MFSD6: variants seen among roughly 807,000 people sequenced by gnomAD.
The protein encoded by MFSD6 is major facilitator superfamily domain-containing protein 6.
In MFSD6, 26 loss-of-function variants were observed where a neutral mutation model predicts 56.3. That is an observed-to-expected ratio of 0.46 (90% CI 0.34 to 0.64). MFSD6 has a LOEUF of 0.64. Ranked by LOEUF, MFSD6 falls within the 30% of genes least tolerant of loss-of-function variation. The pLI, the probability that MFSD6 is intolerant of heterozygous loss-of-function variation, is 0.01. For synonymous variants in MFSD6, 331 were observed against 366.9 expected (o/e 0.90, Z 1.12); for missense variants, 750 against 986.2 (o/e 0.76, Z 3.21).
At chr2:190,420,674 A>G (rs1205724707) in intron 2 of MFSD6, among the ~76,000 whole-genome samples, 1 of 152,160 alleles carries the variant, frequency 6.6e-6, no homozygotes, top group Admixed American at 6.5e-5. Flanking sequence ...GATGCCCTAC[A>G]TTGGGATATA....
chr2:190,496,532 C>A lies in MFSD6; in HGVS notation c.1892-907C>A, dbSNP rs778578352. Among the ~76,000 whole-genome samples the A allele has an allele frequency of 6.6e-6, 1 of 152,128 alleles. No homozygotes were observed. The highest frequency in any genetic ancestry group is 1.5e-5 in the Non-Finnish European group (1 of 68,012). ...TATATGAAAAAGATACTTGTACATGCATGTTTATAGCATCACAATTGCAAA... is the reference window on the plus strand; with the variant it reads ...TATATGAAAAAGATACTTGTACATGAATGTTTATAGCATCACAATTGCAAA... On this transcript the variant is annotated intron_variant, in intron 6 of 7. Transcript: ENST00000392328. The surrounding 1 kb of genome is among the most constrained non-coding windows in gnomAD (Gnocchi z 4.7).
chr2:190,442,106 A>G (rs1003397621), intron 3 of MFSD6, among the ~76,000 whole-genome samples: 5 of 152,236 alleles, frequency 3.3e-5, no homozygotes, highest in Non-Finnish European at 7.3e-5. Context: ...TCCTTAAGGG[A>G]GGATTAATTC....
At chr2:190,484,530 C>T (rs1198148109) in intron 4 of MFSD6, among the ~76,000 whole-genome samples, 1 of 152,022 alleles carries the variant, frequency 6.6e-6, no homozygotes, top group African/African-American at 2.4e-5. Flanking sequence ...TGGGAAATGG[C>T]GGAGGGTTTT....
At chr2:190,441,243 C>G (rs1278568597) in intron 3 of MFSD6, among the ~76,000 whole-genome samples, 1 of 152,056 alleles carries the variant, frequency 6.6e-6, no homozygotes, top group South Asian at 2.1e-4. Context: ...AGGGTCTGTT[C>G]TCGTGTCTTC....
rs1014739913 is a variant in MFSD6 at position 190,434,835 on chromosome 2, A to G, written c.-53-1142A>G. On this transcript the variant is annotated intron_variant, in intron 2 of 7. Coordinates refer to ENST00000392328, the MANE Select transcript of MFSD6 (RefSeq NM_017694.4). This position sits in a 1 kb window ranked among gnomAD's most constrained non-coding sequence, Gnocchi z 4.3. The stretch of plus-strand genomic sequence containing the variant: ...GGGTTCCCCAACCCCTGGACCATGG[A>G]CCGCTACCACTCTGTGGCCTGTTAG... 2.6e-5 allele frequency among the ~76,000 whole-genome samples: 4 copies of G among 152,128 alleles called. No homozygotes were observed. The highest frequency in any genetic ancestry group is 9.7e-5 in the African/African-American group (4 of 41,422).
chr2:190,435,508 T>C (rs1185423427), intron 2 of MFSD6, among the ~76,000 whole-genome samples: 1 of 152,252 alleles, frequency 6.6e-6, no homozygotes, highest in Non-Finnish European at 1.5e-5. Context: ...CTCATTACAT[T>C]TGTGGTTGTG....
At position 190,488,524 on chromosome 2, in the gene MFSD6, G is replaced by A; in HGVS notation, c.1631-133G>A. The A allele has an allele frequency of 1.2e-6, 1 of 842,744 alleles. No homozygotes were observed. The highest frequency in any genetic ancestry group is 1.7e-6 in the Non-Finnish European group (1 of 587,580). The allele number at this position is 842,744 out of a possible 1,614,324, so 52.2% of individuals were successfully genotyped here. On this transcript the variant is annotated intron_variant, in intron 4 of 7. Coordinates refer to ENST00000392328, the MANE Select transcript of MFSD6 (RefSeq NM_017694.4). The surrounding 1 kb of genome is among the most constrained non-coding windows in gnomAD (Gnocchi z 6.4). ...ACCGTACATTTAAAAATGTGAAAATGGTAAATTTTTAATGTATGTTTTCCC... is the reference window on the plus strand; with the variant it reads ...ACCGTACATTTAAAAATGTGAAAATAGTAAATTTTTAATGTATGTTTTCCC...
At position 190,471,566 on chromosome 2, in the gene MFSD6, C is replaced by A. The variant is rs1458413211; in HGVS notation, c.1630+1711C>A. Among the ~76,000 whole-genome samples, 1 of 152,204 alleles carries A rather than the reference C, an allele frequency of 6.6e-6. No homozygotes were observed. Among genetic ancestry groups the A allele is most frequent in the African/African-American group, 2.4e-5 (1 of 41,462 alleles). On this transcript the variant is annotated intron_variant, in intron 4 of 7. Transcript: ENST00000392328. The surrounding 1 kb of genome is among the most constrained non-coding windows in gnomAD (Gnocchi z 4.7). ...GGAGGGGCACCCGCCATTGCTGAGGCTTGAGTAGGTAAACAAAGCAGCGGC... is the reference window on the plus strand; with the variant it reads ...GGAGGGGCACCCGCCATTGCTGAGGATTGAGTAGGTAAACAAAGCAGCGGC...
chr2:190,455,934 C>CTTTTTTTTTTTTTTTTTTTTTT (rs34054506), intron 3 of MFSD6, among the ~76,000 whole-genome samples: 1 of 65,370 alleles, frequency 1.5e-5, no homozygotes, highest in Non-Finnish European at 2.5e-5. Flanking sequence ...ATTTACTCTG[C>CTTTTTTTTTTTTTTTTTTTTTT]TTTTTTTTTT....
chr2:190,422,484 G>A (rs1286308298), intron 2 of MFSD6, among the ~76,000 whole-genome samples: 1 of 152,180 alleles, frequency 6.6e-6, no homozygotes, highest in Non-Finnish European at 1.5e-5. Context: ...GTGAGAAATT[G>A]CATGTGTAAA....
chr2:190,436,583 T>C lies in MFSD6; in HGVS notation c.554T>C (p.Phe185Ser). ...ACTATCCTGCCAACAAATTCTTCCT[T>C]TACCTCTTTCCTCACCATATCACCA... ...QLTILPTNSS[F>S]TSFLTISPKM... is the part of the protein sequence containing the mutation. The change falls in exon 3 of 8, where the codon TTT (phenylalanine) becomes TCT (serine). Residue 185 changes from phenylalanine to serine, a missense_variant. Physicochemically the swap from Phe to Ser is radical, Grantham distance 155. This residue lies in a region of MFSD6 where 376 missense variants were observed against 437.9 expected (regional missense o/e 0.86). Transcript: ENST00000392328. The surrounding 1 kb of genome is among the most constrained non-coding windows in gnomAD (Gnocchi z 5.3). 1 of 1,614,198 alleles carries C rather than the reference T, an allele frequency of 6.2e-7. No individual in the cohort carries two copies. Among genetic ancestry groups the C allele is most frequent in the South Asian group, 1.1e-5 (1 of 91,078 alleles).
At position 190,494,900 on chromosome 2, in the gene MFSD6, A is replaced by G. The variant is rs977421393; in HGVS notation, c.1892-2539A>G. ...AAACCCACAGCCAACATAATACTGA[A>G]CAGGGAGAAGTTGGAAGCATTCCCT... On this transcript the variant is annotated intron_variant, in intron 6 of 7. Transcript: ENST00000392328. This position sits in a 1 kb window ranked among gnomAD's most constrained non-coding sequence, Gnocchi z 5.7. Among the ~76,000 whole-genome samples, 2 of 152,196 alleles carry G rather than the reference A, an allele frequency of 1.3e-5. No individual in the cohort carries two copies. The highest frequency in any genetic ancestry group is 2.9e-5 in the Non-Finnish European group (2 of 68,020).
chr2:190,449,291 T>C (rs1047274966), intron 3 of MFSD6, among the ~76,000 whole-genome samples: 1 of 152,090 alleles, frequency 6.6e-6, no homozygotes, highest in African/African-American at 2.4e-5. Flanking sequence ...CTGGTCAACA[T>C]GGTGAAACCC....
intron 3 of MFSD6, among the ~76,000 whole-genome samples, chr2:190,460,404 C>T (rs752927012): frequency 1.2e-4 from 18 of 152,182 alleles, no homozygotes; most frequent in Non-Finnish European, 1.9e-4. Flanking sequence ...CATACATACA[C>T]TCGCGTATGC....
Position 190,418,364 on chromosome 2 carries a change from G to A in MFSD6, c.-54+2951G>A, listed in dbSNP as rs186960695. Among the ~76,000 whole-genome samples, 1 of 152,330 alleles carries A rather than the reference G, an allele frequency of 6.6e-6. No individual in the cohort carries two copies. Among genetic ancestry groups the A allele is most frequent in the East Asian group, 1.9e-4 (1 of 5,194 alleles). Reference sequence around the variant, plus strand: ...TAATCCACTGATTCCCTGTTGAAGTGCAAATATGTTGTCAAGATGGGGCAA... The same window carrying A: ...TAATCCACTGATTCCCTGTTGAAGTACAAATATGTTGTCAAGATGGGGCAA... On this transcript the variant is annotated intron_variant, in intron 2 of 7. Coordinates refer to ENST00000392328, the MANE Select transcript of MFSD6 (RefSeq NM_017694.4). The surrounding 1 kb of genome is among the most constrained non-coding windows in gnomAD (Gnocchi z 4.1).
rs969362421 is a variant in MFSD6 at position 190,434,496 on chromosome 2, C to T, written c.-53-1481C>T. Among the ~76,000 whole-genome samples the T allele has an allele frequency of 5.3e-5, 8 of 151,992 alleles. 1 individual carries two copies. The South Asian group carries it at 6.2e-4, about 12-fold the overall frequency. On this transcript the variant is annotated intron_variant, in intron 2 of 7. Transcript: ENST00000392328. This position sits in a 1 kb window ranked among gnomAD's most constrained non-coding sequence, Gnocchi z 4.3. ...CTGTTGCCAGGCTGGAGTGCAGTGGCGCAATCTCAGCTCACTGCAACCTCC... is the reference window on the plus strand; with the variant it reads ...CTGTTGCCAGGCTGGAGTGCAGTGGTGCAATCTCAGCTCACTGCAACCTCC...
At chr2:190,430,223 TA>T (rs1206033893) in intron 2 of MFSD6, among the ~76,000 whole-genome samples, 1 of 151,094 alleles carries the variant, frequency 6.6e-6, no homozygotes. Flanking sequence ...TTTTTTTTTT[TA>T]ATTGATCATT....
At chr2:190,460,529 C>T (rs4853710) in intron 3 of MFSD6, among the ~76,000 whole-genome samples, 1 of 152,080 alleles carries the variant, frequency 6.6e-6, no homozygotes, top group African/African-American at 2.4e-5. Flanking sequence ...TCTTCCGTTC[C>T]GGACTATTTA....
At position 190,431,047 on chromosome 2, in the gene MFSD6, C is replaced by CTGCAATCTCGGCACTTTGGGAG; in HGVS notation, c.-53-4930_-53-4929insTGCAATCTCGGCACTTTGGGAG. On this transcript the variant is annotated intron_variant, in intron 2 of 7. Transcript: ENST00000392328. The surrounding 1 kb of genome is among the most constrained non-coding windows in gnomAD (Gnocchi z 4.4). Reference sequence around the variant, plus strand: ...AGACGGGGTCGCGGCCGGGCAGAGGCGCTCCTCACCTCCCAGACGGGGTCG... The same window carrying CTGCAATCTCGGCACTTTGGGAG: ...AGACGGGGTCGCGGCCGGGCAGAGGCTGCAATCTCGGCACTTTGGGAGGCTCCTCACCTCCCAGACGGGGTCG... Among the ~76,000 whole-genome samples, 1 of 144,004 alleles carries CTGCAATCTCGGCACTTTGGGAG rather than the reference C, an allele frequency of 6.9e-6. No individual in the cohort carries two copies. Among genetic ancestry groups the CTGCAATCTCGGCACTTTGGGAG allele is most frequent in the East Asian group, 2.1e-4 (1 of 4,800 alleles). 94.5% of individuals were successfully genotyped at this position (144,004 alleles called of 152,430 possible).
Sources: allele counts gnomAD v4.1 joint callset (sites outside exome capture counted in the v4.1 genomes callset), GRCh38; gene constraint gnomAD v4.1.1; regional missense constraint gnomAD v4.1.1; non-coding constraint Gnocchi (gnomAD v3.1); transcripts MANE v1.5; gene names NCBI Gene and HGNC (gene_info 2026-07-23, HGNC 2026-07-21).